The following RAB3C variants were observed in gnomAD, a reference collection of about 807,000 sequenced individuals.
RAB3C encodes ras-related protein Rab-3C.
A neutral mutation model predicts 26.4 loss-of-function variants in RAB3C; 17 were observed. The ratio of observed to expected loss-of-function variants is 0.64; its 90% CI spans 0.44 to 0.97. The LOEUF is 0.97. RAB3C is among the 50% of genes least tolerant of loss of function. RAB3C has a pLI of 0.00. For synonymous variants in RAB3C, 91 were observed against 95.9 expected, an observed-to-expected ratio of 0.95 and a Z score of 0.30; for missense variants, 242 against 281.9, an observed-to-expected ratio of 0.86 and a Z score of 1.01.
intron 3 of RAB3C, among the ~76,000 whole-genome samples, chr5:58,803,898 A>C (rs1030716151): frequency 1.3e-5 from 2 of 152,042 alleles, no homozygotes; most frequent in African/African-American, 4.8e-5. Flanking sequence ...GTCTCTACTA[A>C]AAATACAAAA....
At chr5:58,693,336 G>GTATGTATA (rs1341115094) in intron 2 of RAB3C, among the ~76,000 whole-genome samples, 22,849 of 111,526 alleles carry the variant, frequency 0.2, 2,489 homozygotes, top group Middle Eastern at 0.28. Context: ...ATATATATGT[G>GTATGTATA]TATATATATA....
At chr5:58,803,264 A>G (rs748262926) in intron 3 of RAB3C, among the ~76,000 whole-genome samples, 20 of 152,232 alleles carry the variant, frequency 1.3e-4, no homozygotes, top group Non-Finnish European at 2.2e-4. Flanking sequence ...GGCAAGCTCC[A>G]TTTCTGGGAA....
At chr5:58,616,062 C>T (rs973921749) in intron 1 of RAB3C, among the ~76,000 whole-genome samples, 1 of 151,896 alleles carries the variant, frequency 6.6e-6, no homozygotes, top group Non-Finnish European at 1.5e-5. Flanking sequence ...AGCACTGTTT[C>T]CTGTTTCTAA....
intron 2 of RAB3C, among the ~76,000 whole-genome samples, chr5:58,628,262 A>G (rs747225831): frequency 6.6e-6 from 1 of 151,904 alleles, no homozygotes; most frequent in Non-Finnish European, 1.5e-5. Context: ...GAGTTGAAGT[A>G]GGTAAAGTAT....
intron 1 of RAB3C, among the ~76,000 whole-genome samples, chr5:58,598,413 T>C (rs975960971): frequency 2.0e-5 from 3 of 151,980 alleles, no homozygotes; most frequent in South Asian, 2.1e-4. Flanking sequence ...TTTCCTACAG[T>C]GCTTTGAGTT....
rs377475835 is a variant in RAB3C at position 58,666,373 on chromosome 5, A to T, written c.252+48503A>T. Reference sequence around the variant, plus strand: ...TTACTCTGTATGAGTGGATAGCTTGAAGTGTTCACATCTCTAGTTTTGCCA... The same window carrying T: ...TTACTCTGTATGAGTGGATAGCTTGTAGTGTTCACATCTCTAGTTTTGCCA... On this transcript the variant is annotated intron_variant, in intron 2 of 4. Coordinates refer to ENST00000282878, the MANE Select transcript of RAB3C (RefSeq NM_138453.4). 2.6e-5 allele frequency among the ~76,000 whole-genome samples: 4 copies of T among 152,294 alleles called. No homozygotes were observed. The East Asian group carries it at 7.7e-4, about 29-fold the overall frequency.
At chr5:58,723,779 C>T (rs1230567759) in intron 2 of RAB3C, among the ~76,000 whole-genome samples, 1 of 151,810 alleles carries the variant, frequency 6.6e-6, no homozygotes, top group Non-Finnish European at 1.5e-5. Flanking sequence ...CTGGGATGCA[C>T]TCTGCATCCA....
chr5:58,813,044 A>C (rs1441253733), intron 3 of RAB3C, among the ~76,000 whole-genome samples: 1 of 152,134 alleles, frequency 6.6e-6, no homozygotes, highest in Non-Finnish European at 1.5e-5. Context: ...TTTGTATTCC[A>C]GTTCTGTTAT....
chr5:58,750,927 T>C (rs1222253277), intron 3 of RAB3C, among the ~76,000 whole-genome samples: 1 of 152,072 alleles, frequency 6.6e-6, no homozygotes, highest in Non-Finnish European at 1.5e-5. Flanking sequence ...TGATCTTGGG[T>C]CTCTGCAACC....
intron 2 of RAB3C, among the ~76,000 whole-genome samples, chr5:58,715,038 A>G (rs1390236962): frequency 6.6e-6 from 1 of 152,068 alleles, no homozygotes; most frequent in Non-Finnish European, 1.5e-5. Flanking sequence ...GTAGTTTCTC[A>G]TTTATAAATG....
chr5:58,731,331 T>A (rs1255028785), intron 3 of RAB3C, among the ~76,000 whole-genome samples: 2 of 152,122 alleles, frequency 1.3e-5, no homozygotes, highest in Non-Finnish European at 2.9e-5. Flanking sequence ...TAATACAAAA[T>A]TAAGCTCACT....
chr5:58,651,113 T>G (rs551906928), intron 2 of RAB3C, among the ~76,000 whole-genome samples: 1 of 152,302 alleles, frequency 6.6e-6, no homozygotes, highest in Non-Finnish European at 1.5e-5. Context: ...AAAATCAGGT[T>G]GTTTCTATTC....
chr5:58,764,731 A>T (rs545912118), intron 3 of RAB3C, among the ~76,000 whole-genome samples: 2 of 152,316 alleles, frequency 1.3e-5, no homozygotes, highest in East Asian at 3.9e-4. Context: ...ATCTGCCGAT[A>T]ATAACTTGGC....
In RAB3C at chr5:58,825,241, G is replaced by C. The variant is rs182007804; in HGVS notation, c.496+79G>C. The C allele has an allele frequency of 4.1e-5, 56 of 1,358,016 alleles. No homozygotes were observed. In the East Asian group the frequency reaches 1.4e-3, roughly 34 times the overall value. The allele number at this position is 1,358,016 out of a possible 1,614,324, so 84.1% of individuals were successfully genotyped here. On this transcript the variant is annotated intron_variant, in intron 4 of 4. Coordinates refer to ENST00000282878, the MANE Select transcript of RAB3C (RefSeq NM_138453.4). ...ACTCTGTACAGAGTCCGAGCTAATTGTCAGGGTGGAGTTAATGAAATGTTT... is the reference window on the plus strand; with the variant it reads ...ACTCTGTACAGAGTCCGAGCTAATTCTCAGGGTGGAGTTAATGAAATGTTT...
At chr5:58,619,184 T>C (rs1440726370) in intron 2 of RAB3C, among the ~76,000 whole-genome samples, 2 of 152,186 alleles carry the variant, frequency 1.3e-5, no homozygotes, top group Non-Finnish European at 2.9e-5. Flanking sequence ...TCTAGAGTCT[T>C]TCAAATCTAA....
At chr5:58,848,469 T>C (rs1744049490) in intron 4 of RAB3C, 2 of 152,214 alleles carry the variant, frequency 1.3e-5, no homozygotes, top group Admixed American at 6.5e-5. Context: ...GTAGTTCATG[T>C]TCCAGCTTTG....
intron 2 of RAB3C, among the ~76,000 whole-genome samples, chr5:58,643,164 G>A (rs1312714619): frequency 6.6e-6 from 1 of 152,168 alleles, no homozygotes; most frequent in East Asian, 1.9e-4. Flanking sequence ...CTGTCATGTT[G>A]TAACAGATTT....
chr5:58,806,719 G>T (rs1252377779), intron 3 of RAB3C, among the ~76,000 whole-genome samples: 1 of 152,038 alleles, frequency 6.6e-6, no homozygotes, highest in African/African-American at 2.4e-5. Flanking sequence ...AGACAGTTTT[G>T]TTCCCCAGAT....
intron 3 of RAB3C, among the ~76,000 whole-genome samples, chr5:58,759,983 A>C (rs956916064): frequency 3.9e-5 from 6 of 152,236 alleles, no homozygotes; most frequent in Admixed American, 2.0e-4. Flanking sequence ...TGGAACTAAC[A>C]GGAGCAACAG....
Sources: allele counts gnomAD v4.1 joint callset (sites outside exome capture counted in the v4.1 genomes callset), GRCh38; gene constraint gnomAD v4.1.1; transcripts MANE v1.5; gene names NCBI Gene and HGNC (gene_info 2026-07-23, HGNC 2026-07-21).